Variants in SSTR2 observed in about 807,000 individuals in gnomAD.
The protein encoded by SSTR2 is somatostatin receptor 2, also known as somatostatin receptor type 2.
A neutral mutation model predicts 21.4 loss-of-function variants in SSTR2; 10 were observed. The ratio of observed to expected loss-of-function variants is 0.47; its 90% CI spans 0.29 to 0.79. The LOEUF (loss-of-function observed/expected upper bound fraction) is 0.79. SSTR2 is among the 30% of genes least tolerant of loss of function. The probability of loss-of-function intolerance (pLI) is 0.10; values close to 1 mark genes in which losing one functional copy is unlikely to be tolerated. For synonymous variants in SSTR2, 177 were observed against 181.3 expected, an observed-to-expected ratio of 0.98 and a Z score of 0.19; for missense variants, 364 against 468.8, an observed-to-expected ratio of 0.78 and a Z score of 2.06.
intron 1 of SSTR2, among the ~76,000 whole-genome samples, chr17:73,168,392 C>T (rs569279915): frequency 6.6e-6 from 1 of 152,264 alleles, no homozygotes; most frequent in African/African-American, 2.4e-5. Context: ...CCCTTAGGGA[C>T]TTTGGGAAAG....
chr17:73,168,844 A>G (rs562260714), intron 1 of SSTR2, among the ~76,000 whole-genome samples: 1 of 152,340 alleles, frequency 6.6e-6, no homozygotes, highest in South Asian at 2.1e-4. Context: ...AAGTCAGCAT[A>G]GATTTCCTGG....
chr17:73,170,075 G>A lies in SSTR2; in HGVS notation c.756G>A (p.Lys252=), dbSNP rs776395629. 2 of 1,614,214 alleles carry A rather than the reference G, an allele frequency of 1.2e-6. No individual in the cohort carries two copies. Among genetic ancestry groups the A allele is most frequent in the South Asian group, 2.2e-5 (2 of 91,086 alleles). The part of the protein sequence containing the change: ...VGSSKRKKSE[K]KVTRMVSIVV... ...CCTCTAAGAGGAAGAAGTCTGAGAA[G>A]AAGGTCACCCGAATGGTGTCCATCG... The change falls in exon 2 of 2, where the codon AAG becomes AAA. Residue 252 remains lysine (K), a synonymous_variant. Transcript: ENST00000357585.
intron 1 of SSTR2, among the ~76,000 whole-genome samples, chr17:73,165,586 T>A (rs2061213582): frequency 1.3e-5 from 2 of 151,906 alleles, no homozygotes. Flanking sequence ...GCGTGTGCCC[T>A]TTAGCCCGAG....
At position 73,165,298 on chromosome 17, in the gene SSTR2, GTGTGT is replaced by G. The variant is rs1568284812; in HGVS notation, c.-93+11_-93+15del. Reference sequence around the variant, plus strand: ...CAGCGGAAAAGCAAAGGTGAGGGGTGTGTGTGTGTGTGTGTGTGTGTGTGTGTGTG... The same window carrying G: ...CAGCGGAAAAGCAAAGGTGAGGGGTGGTGTGTGTGTGTGTGTGTGTGTGTG... On this transcript the variant is annotated intron_variant, in intron 1 of 1. Transcript: ENST00000357585. 0.015 allele frequency: 992 copies of G among 66,356 alleles called. 3 individuals are homozygous for G. Among genetic ancestry groups the G allele is most frequent in the Non-Finnish European group, 0.024 (705 of 29,950 alleles). 4.1% of individuals were successfully genotyped at this position (66,356 alleles called of 1,614,324 possible).
chr17:73,170,257 C>T lies in SSTR2; in HGVS notation c.938C>T (p.Ala313Val), dbSNP rs762038675. ...ANSCANPILY[A>V]FLSDNFKKSF... ...AGCTGTGCCAACCCTATCCTATATG[C>T]CTTCTTGTCTGACAACTTCAAGAAG... Residue 313 changes from alanine to valine, a missense_variant, in exon 2 of 2, where the codon GCC becomes GTC. This residue lies in a region of SSTR2 where 193 missense variants were observed against 273.1 expected (regional missense o/e 0.71). Transcript: ENST00000357585. 2 of 1,614,100 alleles carry T rather than the reference C, an allele frequency of 1.2e-6. No individual in the cohort carries two copies. Among genetic ancestry groups the T allele is most frequent in the Admixed American group, 1.7e-5 (1 of 60,000 alleles).
In SSTR2 at chr17:73,172,307, C is replaced by A. The variant is rs144059349; in HGVS notation, c.*1878C>A. On this transcript the variant is annotated 3_prime_UTR_variant, in exon 2 of 2. Transcript: ENST00000357585. Reference sequence around the variant, plus strand: ...ATTTTCTAGAGTATGAAGAAATACACACCTGGGTGTCTGCAAGGATGTCAT... The same window carrying A: ...ATTTTCTAGAGTATGAAGAAATACAAACCTGGGTGTCTGCAAGGATGTCAT... The A allele has an allele frequency of 1.3e-5, 2 of 152,174 alleles. No individual in the cohort carries two copies. Among genetic ancestry groups the A allele is most frequent in the East Asian group, 3.8e-4 (2 of 5,202 alleles). 9.4% of individuals were successfully genotyped at this position (152,174 alleles called of 1,614,324 possible).
chr17:73,172,223 C>T lies in SSTR2; in HGVS notation c.*1794C>T, dbSNP rs950665940. 1 of 152,010 alleles carries T rather than the reference C, an allele frequency of 6.6e-6. No homozygotes were observed. Among genetic ancestry groups the T allele is most frequent in the Admixed American group, 6.6e-5 (1 of 15,266 alleles). 9.4% of individuals were successfully genotyped at this position (152,010 alleles called of 1,614,324 possible). A position where few individuals can be genotyped will look rare whatever the true frequency, so the allele number is the denominator to read the frequency against. Reference sequence around the variant, plus strand: ...CCATAAAGTGGCATTTTTTTCGTTCCCCAAACTGACATTTACAAGCGATAA... The same window carrying T: ...CCATAAAGTGGCATTTTTTTCGTTCTCCAAACTGACATTTACAAGCGATAA... On this transcript the variant is annotated 3_prime_UTR_variant, in exon 2 of 2. Transcript: ENST00000357585.
chr17:73,172,942 G>C lies in SSTR2; in HGVS notation c.*2513G>C, dbSNP rs1167131874. 2.6e-5 allele frequency: 4 copies of C among 152,204 alleles called. No individual in the cohort carries two copies. Among genetic ancestry groups the C allele is most frequent in the Admixed American group, 6.6e-5 (1 of 15,262 alleles). The allele number at this position is 152,204 out of a possible 1,614,324, so 9.4% of individuals were successfully genotyped here. ...CTACAGGCCGGGCGTGGTGGCTTAT[G>C]CCTGTAATCCCACACTTTGGGAGGC... On this transcript the variant is annotated 3_prime_UTR_variant, in exon 2 of 2. Transcript: ENST00000357585.
At position 73,170,573 on chromosome 17, in the gene SSTR2, G is replaced by C; in HGVS notation, c.*144G>C. ...TCAGCATGAGTCCAATTCAGAGAACGGTGTTTGAGTCAGCTTGTCTGATTG... is the reference window on the plus strand; with the variant it reads ...TCAGCATGAGTCCAATTCAGAGAACCGTGTTTGAGTCAGCTTGTCTGATTG... On this transcript the variant is annotated 3_prime_UTR_variant, in exon 2 of 2. Coordinates refer to ENST00000357585, the MANE Select transcript of SSTR2 (RefSeq NM_001050.3). 2 of 1,043,184 alleles carry C rather than the reference G, an allele frequency of 1.9e-6. No individual in the cohort carries two copies. The highest frequency in any genetic ancestry group is 2.9e-6 in the Non-Finnish European group (2 of 684,550). 64.6% of individuals were successfully genotyped at this position (1,043,184 alleles called of 1,614,324 possible). A position where few individuals can be genotyped will look rare whatever the true frequency, so the allele number is the denominator to read the frequency against.
In SSTR2 at chr17:73,172,491, C is replaced by A. The variant is rs2061238642; in HGVS notation, c.*2062C>A. Reference sequence around the variant, plus strand: ...TGTGGGTGTCCTTCTTAATGTGCTGCTTTTGTTCTGTATAAATTCACACCA... The same window carrying A: ...TGTGGGTGTCCTTCTTAATGTGCTGATTTTGTTCTGTATAAATTCACACCA... On this transcript the variant is annotated 3_prime_UTR_variant, in exon 2 of 2. Transcript: ENST00000357585. 6.6e-6 allele frequency: 1 copy of A among 152,212 alleles called. No homozygotes were observed. Among genetic ancestry groups the A allele is most frequent in the Admixed American group, 6.5e-5 (1 of 15,276 alleles). 9.4% of individuals were successfully genotyped at this position (152,212 alleles called of 1,614,324 possible).
At position 73,169,006 on chromosome 17, in the gene SSTR2, T is replaced by A. The variant is rs961675743; in HGVS notation, c.-92-222T>A. ...GCCACAGCCCTCCCCGACATGTGCGTCAGCAGATGATGGCTGAACCCAAAC... is the reference window on the plus strand; with the variant it reads ...GCCACAGCCCTCCCCGACATGTGCGACAGCAGATGATGGCTGAACCCAAAC... On this transcript the variant is annotated intron_variant, in intron 1 of 1. Transcript: ENST00000357585. The surrounding 1 kb of genome is among the most constrained non-coding windows in gnomAD (Gnocchi z 5.2). Among the ~76,000 whole-genome samples, 1 of 152,216 alleles carries A rather than the reference T, an allele frequency of 6.6e-6. No individual in the cohort carries two copies. Among genetic ancestry groups the A allele is most frequent in the Non-Finnish European group, 1.5e-5 (1 of 68,040 alleles).
chr17:73,168,620 A>G (rs1230258419), intron 1 of SSTR2, among the ~76,000 whole-genome samples: 1 of 152,216 alleles, frequency 6.6e-6, no homozygotes, highest in Non-Finnish European at 1.5e-5. Flanking sequence ...CGAGGTTCCC[A>G]TTATGAGCCC....
At chr17:73,167,800 G>C (rs1185804932) in intron 1 of SSTR2, among the ~76,000 whole-genome samples, 3 of 152,150 alleles carry the variant, frequency 2.0e-5, no homozygotes, top group African/African-American at 7.2e-5. Flanking sequence ...CACTGGCCAA[G>C]TTTGTTCATT....
Position 73,169,484 on chromosome 17 carries a change from C to T in SSTR2, c.165C>T (p.Ile55=). The T allele has an allele frequency of 6.2e-7, 1 of 1,614,252 alleles. No individual in the cohort carries two copies. Residue 55 remains isoleucine (I), a synonymous_variant, in exon 2 of 2, where the codon ATC becomes ATT. Coordinates refer to ENST00000357585, the MANE Select transcript of SSTR2 (RefSeq NM_001050.3). The surrounding 1 kb of genome is among the most constrained non-coding windows in gnomAD (Gnocchi z 5.2). The part of the protein sequence containing the change: ...VLTFIYFVVC[I]IGLCGNTLVI... ...CATTCATCTATTTTGTGGTCTGCATCATTGGGTTGTGTGGCAACACACTTG... is the reference window on the plus strand; with the variant it reads ...CATTCATCTATTTTGTGGTCTGCATTATTGGGTTGTGTGGCAACACACTTG...
rs769965111 is a variant in SSTR2 at position 73,170,338 on chromosome 17, G to A, written c.1019G>A (p.Arg340Gln). The A allele has an allele frequency of 4.5e-5, 72 of 1,613,848 alleles. No individual in the cohort carries two copies. Among genetic ancestry groups the A allele is most frequent in the African/African-American group, 5.3e-5 (4 of 74,818 alleles). Residue 340 changes from arginine (R) to glutamine (Q), a missense_variant, in exon 2 of 2, where the codon CGG (arginine) becomes CAG (glutamine). This residue lies in a region of SSTR2 where 71 missense variants were observed against 53.8 expected (regional missense o/e 1.32). Transcript: ENST00000357585. Reference sequence around the variant, plus strand: ...GTGAGCGGCACAGATGATGGGGAGCGGAGTGACAGTAAGCAGGACAAATCC... The same window carrying A: ...GTGAGCGGCACAGATGATGGGGAGCAGAGTGACAGTAAGCAGGACAAATCC... ...VKVSGTDDGE[R>Q]SDSKQDKSRL...
rs1254265535 is a variant in SSTR2 at position 73,175,431 on chromosome 17, A to G, written c.*5002A>G. 6.6e-6 allele frequency: 1 copy of G among 151,982 alleles called. No individual in the cohort carries two copies. The highest frequency in any genetic ancestry group is 1.5e-5 in the Non-Finnish European group (1 of 68,060). The allele number at this position is 151,982 out of a possible 1,614,324, so 9.4% of individuals were successfully genotyped here. ...TGCCTCAGCCTCCCAAGTAGCAGGG[A>G]CTACAGGCACGTGCCACCACGCCCA... is the stretch of plus-strand genomic sequence containing the variant. On this transcript the variant is annotated 3_prime_UTR_variant, in exon 2 of 2. Transcript: ENST00000357585.
In SSTR2 at chr17:73,172,289, AG is replaced by A. The variant is rs1420975027; in HGVS notation, c.*1861del. The A allele has an allele frequency of 1.2e-4, 19 of 152,232 alleles. 1 individual carries two copies. The highest frequency in any genetic ancestry group is 2.2e-4 in the Non-Finnish European group (15 of 68,048). 9.4% of individuals were successfully genotyped at this position (152,232 alleles called of 1,614,324 possible). Reference sequence around the variant, plus strand: ...CCATTTCATTGACTGATCATTTTCTAGAGTATGAAGAAATACACACCTGGGT... The same window carrying A: ...CCATTTCATTGACTGATCATTTTCTAAGTATGAAGAAATACACACCTGGGT... On this transcript the variant is annotated 3_prime_UTR_variant, in exon 2 of 2. Coordinates refer to ENST00000357585, the MANE Select transcript of SSTR2 (RefSeq NM_001050.3).
Position 73,168,432 on chromosome 17 carries a change from TG to T in SSTR2, c.-92-794del, listed in dbSNP as rs1163810114. 3.3e-5 allele frequency among the ~76,000 whole-genome samples: 5 copies of T among 152,154 alleles called. No homozygotes were observed. The East Asian group carries it at 9.6e-4, about 29-fold the overall frequency. On this transcript the variant is annotated intron_variant, in intron 1 of 1. Transcript: ENST00000357585. ...CTTGAGGAAGTCAAGCATTAGGTAT[TG>T]GAAAACAAAAATAGAAGAAAAACAA...
rs1171134284 is a variant in SSTR2, at chr17:73,173,635, T to C, written c.*3206T>C. The C allele has an allele frequency of 6.6e-6, 1 of 152,160 alleles. No individual in the cohort carries two copies. Among genetic ancestry groups the C allele is most frequent in the Non-Finnish European group, 1.5e-5 (1 of 68,016 alleles). 9.4% of individuals were successfully genotyped at this position (152,160 alleles called of 1,614,324 possible). A position where few individuals can be genotyped will look rare whatever the true frequency, so the allele number is the denominator to read the frequency against. On this transcript the variant is annotated 3_prime_UTR_variant, in exon 2 of 2. Coordinates refer to ENST00000357585, the MANE Select transcript of SSTR2 (RefSeq NM_001050.3). Reference sequence around the variant, plus strand: ...AGGGAATAAAAAGTAATGCACCCCATTGATTTCAGAGTATCTGATCACTTG... The same window carrying C: ...AGGGAATAAAAAGTAATGCACCCCACTGATTTCAGAGTATCTGATCACTTG...
Sources: gnomAD v4.1 joint callset for allele counts (sites outside exome capture counted in the v4.1 genomes callset) on GRCh38, gnomAD v4.1.1 for gene constraint, gnomAD v4.1.1 regional missense constraint, Gnocchi (gnomAD v3.1) non-coding constraint, MANE v1.5 for transcripts, NCBI Gene and HGNC (gene_info 2026-07-23, HGNC 2026-07-21) for gene names.